Variants in MPRIP observed in about 807,000 individuals in gnomAD.
MPRIP encodes myosin phosphatase Rho-interacting protein.
Under a neutral mutation model 234.9 loss-of-function variants are expected in MPRIP, and 59 were observed. The ratio of observed to expected loss-of-function variants is 0.25; its 90% CI spans 0.20 to 0.31. MPRIP has a LOEUF of 0.31. Ranked by LOEUF, MPRIP falls within the 10% of genes least tolerant of loss-of-function variation. MPRIP has a pLI of 1.00. For missense variants in MPRIP, 2,436 were observed against 3,071.0 expected, an observed-to-expected ratio of 0.79 and a Z score of 4.89; for synonymous variants, 1,144 against 1,263.9, an observed-to-expected ratio of 0.91 and a Z score of 2.01.
intron 3 of MPRIP, among the ~76,000 whole-genome samples, chr17:17,079,107 C>T (rs918761139): frequency 2.6e-5 from 4 of 152,134 alleles, no homozygotes; most frequent in African/African-American, 9.7e-5. Context: ...GTGGTCATTA[C>T]AGCTCACATG....
chr17:17,054,500 C>A (rs2088634744), intron 1 of MPRIP, among the ~76,000 whole-genome samples: 1 of 152,164 alleles, frequency 6.6e-6, no homozygotes, highest in Non-Finnish European at 1.5e-5. Flanking sequence ...GCCGTTCCAT[C>A]ACAGGACACA....
rs2144356613 is a variant in MPRIP at position 17,121,788 on chromosome 17, T to G, written c.268-4914T>G. On this transcript the variant is annotated intron_variant, in intron 3 of 23. Coordinates refer to ENST00000651222, the MANE Select transcript of MPRIP (RefSeq NM_001364716.4). ...ATTAAGCCTAATGCCCATTAGTTAC[T>G]TTTCCTGATCTTCTCCCTCTTCCCA... Among the ~76,000 whole-genome samples, 2 of 152,348 alleles carry G rather than the reference T, an allele frequency of 1.3e-5. 1 individual carries two copies. Among genetic ancestry groups the G allele is most frequent in the East Asian group, 3.8e-4 (2 of 5,196 alleles).
intron 20 of MPRIP, 105 bp from the exon 21 acceptor site, chr17:17,176,321 G>A (rs1022506946): frequency 3.6e-6 from 3 of 839,952 alleles, no homozygotes; most frequent in African/African-American, 1.7e-5. Flanking sequence ...AGGCTGCCCT[G>A]CTCACTGGTG....
At chr17:17,136,160 G>A (rs1472835356) in intron 5 of MPRIP, 59 bp from the exon 6 acceptor site, 36 of 1,600,976 alleles carry the variant, frequency 2.2e-5, no homozygotes, top group Non-Finnish European at 2.9e-5. Context: ...CAGGACCTGT[G>A]ACCCAACCTG....
chr17:17,123,074 A>G (rs949169256), intron 3 of MPRIP, among the ~76,000 whole-genome samples: 4 of 152,056 alleles, frequency 2.6e-5, no homozygotes, highest in African/African-American at 9.7e-5. Flanking sequence ...TGCAATGCGG[A>G]GGAACCTTGA....
chr17:17,147,315 T>C lies in MPRIP; in HGVS notation c.1561-4T>C, dbSNP rs1469950710. 1 of 1,613,628 alleles carries C rather than the reference T, an allele frequency of 6.2e-7. No individual in the cohort carries two copies. The highest frequency in any genetic ancestry group is 1.1e-5 in the South Asian group (1 of 91,064). On this transcript the variant is annotated splice_polypyrimidine_tract_variant and splice_region_variant and intron_variant, in intron 10 of 23. Transcript: ENST00000651222. ...CGAGTCATTTTTCTTTTCTTCCCCT[T>C]TAGTGGAAGAAACACTGGTTTGTCC... is the stretch of plus-strand genomic sequence containing the variant.
intron 10 of MPRIP, 38 bp from the exon 11 acceptor site, chr17:17,147,281 G>C: frequency 1.3e-6 from 2 of 1,599,560 alleles, no homozygotes; most frequent in Non-Finnish European, 1.7e-6. Context: ...CTGTATAGGA[G>C]TTGGTAGTCG....
At chr17:17,057,946 G>A (rs575613047) in intron 1 of MPRIP, 47 of 467,234 alleles carry the variant, frequency 1.0e-4, no homozygotes, top group African/African-American at 8.0e-4. Context: ...ATGAATGCTC[G>A]TGAACCTGCC....
chr17:17,123,244 G>A (rs1597842639), intron 3 of MPRIP, among the ~76,000 whole-genome samples: 1 of 152,194 alleles, frequency 6.6e-6, no homozygotes, highest in Admixed American at 6.5e-5. Context: ...GGCTTTTCAG[G>A]GGGAGATGGA....
chr17:17,129,366 A>G (rs1443951053), intron 4 of MPRIP, among the ~76,000 whole-genome samples: 1 of 151,038 alleles, frequency 6.6e-6, no homozygotes, highest in Non-Finnish European at 1.5e-5. Context: ...CCATATTCAC[A>G]CCCCTCTCCT....
intron 22 of MPRIP, among the ~76,000 whole-genome samples, chr17:17,177,947 A>C (rs2046291664): frequency 7.1e-6 from 1 of 141,736 alleles, no homozygotes. Flanking sequence ...TTTTTTTTGA[A>C]ACTGGGTCTT....
Position 17,187,897 on chromosome 17 carries a change from A to T in MPRIP, c.*3003A>T, listed in dbSNP as rs996984547. 6.6e-6 allele frequency: 1 copy of T among 152,252 alleles called. No individual in the cohort carries two copies. Among genetic ancestry groups the T allele is most frequent in the South Asian group, 2.1e-4 (1 of 4,832 alleles). 9.4% of individuals were successfully genotyped at this position (152,252 alleles called of 1,614,324 possible). A position where few individuals can be genotyped will look rare whatever the true frequency, so the allele number is the denominator to read the frequency against. ...TTACCGATGAGGAAGAAGTTCAAAT[A>T]GATAGACTTCAGCATTTTAATTATT... On this transcript the variant is annotated 3_prime_UTR_variant, in exon 24 of 24. Coordinates refer to ENST00000651222, the MANE Select transcript of MPRIP (RefSeq NM_001364716.4).
intron 23 of MPRIP, among the ~76,000 whole-genome samples, chr17:17,183,867 G>A (rs933132668): frequency 6.6e-6 from 1 of 152,224 alleles, no homozygotes; most frequent in Non-Finnish European, 1.5e-5. Context: ...CAGACCCTGA[G>A]CTAGAGCCCA....
At chr17:17,057,181 G>A (rs2088726015) in intron 1 of MPRIP, among the ~76,000 whole-genome samples, 1 of 152,224 alleles carries the variant, frequency 6.6e-6, no homozygotes, top group African/African-American at 2.4e-5. Flanking sequence ...AGGGCTATGG[G>A]TGGGTCCCAA....
chr17:17,082,357 G>A (rs1339254730), intron 3 of MPRIP, among the ~76,000 whole-genome samples: 21 of 140,092 alleles, frequency 1.5e-4, no homozygotes, highest in Admixed American at 7.4e-5. Flanking sequence ...GTGCAATGGC[G>A]CAGTCTCGGC....
intron 3 of MPRIP, 75 bp from the exon 4 acceptor site, chr17:17,126,627 G>T: frequency 1.3e-6 from 2 of 1,501,600 alleles, no homozygotes; most frequent in Non-Finnish European, 9.0e-7. Flanking sequence ...GGAGGGTCAG[G>T]AATGGCCTGG....
chr17:17,055,062 A>G (rs1019844194), intron 1 of MPRIP, among the ~76,000 whole-genome samples: 1 of 151,944 alleles, frequency 6.6e-6, no homozygotes, highest in African/African-American at 2.4e-5. Flanking sequence ...AAAAAAAAAA[A>G]AATTTCTTTT....
Position 17,138,063 on chromosome 17 carries a change from C to A in MPRIP, c.884C>A (p.Thr295Asn). ...CCGCTCTCCCCTCCCAGCCCCAGCA[C>A]CCCCAACCACAGGTACAGTTGCCCC... ...PPPLSPPSPSTPNHRYSCPES... is the reference protein window; with the variant it reads ...PPPLSPPSPSNPNHRYSCPES... The change falls in exon 7 of 24, where the codon ACC (threonine) becomes AAC (asparagine). Residue 295 changes from threonine (T) to asparagine (N), a missense_variant. Physicochemically the swap from Thr to Asn is moderately conservative, Grantham distance 65. Transcript: ENST00000651222. This position sits in a 1 kb window ranked among gnomAD's most constrained non-coding sequence, Gnocchi z 5.8. 6.2e-7 allele frequency: 1 copy of A among 1,602,378 alleles called. No homozygotes were observed. Among genetic ancestry groups the A allele is most frequent in the Non-Finnish European group, 8.5e-7 (1 of 1,174,804 alleles).
At chr17:17,085,979 C>T (rs2089582003) in intron 3 of MPRIP, among the ~76,000 whole-genome samples, 1 of 152,218 alleles carries the variant, frequency 6.6e-6, no homozygotes, top group Admixed American at 6.5e-5. Context: ...TATCCAGGTG[C>T]CCAGAGGCCC....
Sources: gnomAD v4.1 joint callset for allele counts (sites outside exome capture counted in the v4.1 genomes callset) on GRCh38, gnomAD v4.1.1 for gene constraint, Gnocchi (gnomAD v3.1) non-coding constraint, MANE v1.5 for transcripts, NCBI Gene and HGNC (gene_info 2026-07-23, HGNC 2026-07-21) for gene names.